The following NECTIN3 variants were observed in gnomAD, a reference collection of about 807,000 sequenced individuals.
The protein encoded by NECTIN3 is nectin-3.
Under a neutral mutation model 49.4 loss-of-function variants are expected in NECTIN3, and 8 were observed. The observed-to-expected ratio is 0.16, with a 90% confidence interval of 0.10 to 0.29. The LOEUF is 0.29. Among genes scored for constraint, NECTIN3 ranks in the 10% least tolerant of loss-of-function variants. NECTIN3 has a pLI of 1.00. For missense variants in NECTIN3, 581 were observed against 654.6 expected (o/e 0.89, Z 1.23); for synonymous variants, 277 against 241.1 (o/e 1.15, Z -1.38).
chr3:111,117,757 C>T (rs918623313), intron 2 of NECTIN3, among the ~76,000 whole-genome samples: 7 of 151,492 alleles, frequency 4.6e-5, no homozygotes, highest in Non-Finnish European at 7.4e-5. Context: ...AAAGACTGAA[C>T]ACAAAATTTA....
intron 7 of NECTIN3, among the ~76,000 whole-genome samples, chr3:111,179,206 GTCTA>G (rs755159871): frequency 2.6e-4 from 40 of 152,200 alleles, no homozygotes; most frequent in South Asian, 6.2e-4. Context: ...CTCTCCTCCA[GTCTA>G]TCTAAGTCCC....
intron 1 of NECTIN3, among the ~76,000 whole-genome samples, chr3:111,101,216 C>A (rs548815605): frequency 2.6e-5 from 4 of 152,126 alleles, no homozygotes; most frequent in East Asian, 1.9e-4. Flanking sequence ...CTAAAGAGAA[C>A]CCTTACTTAA....
chr3:111,174,389 T>G (rs571894618), intron 7 of NECTIN3, among the ~76,000 whole-genome samples: 25 of 152,260 alleles, frequency 1.6e-4, no homozygotes, highest in African/African-American at 5.5e-4. Flanking sequence ...GAACGTTCAA[T>G]TTTCCACTGC....
rs34682420 is a variant in NECTIN3 at position 111,105,982 on chromosome 3, C to CTT, written c.161-6031_161-6030dup. Reference sequence around the variant, plus strand: ...TAAATTCAGTGGTTACTTACCAGTGCTTTTTTTTTTTTTTTTTTCCCACTT... The same window carrying CTT: ...TAAATTCAGTGGTTACTTACCAGTGCTTTTTTTTTTTTTTTTTTTTCCCACTT... On this transcript the variant is annotated intron_variant, in intron 1 of 5. Transcript: ENST00000485303. Among the ~76,000 whole-genome samples the CTT allele has an allele frequency of 2.5e-3, 323 of 129,408 alleles. 3 individuals are homozygous for CTT. Among genetic ancestry groups the CTT allele is most frequent in the African/African-American group, 8.0e-3 (286 of 35,824 alleles). 84.9% of individuals were successfully genotyped at this position (129,408 alleles called of 152,430 possible).
intron 6 of NECTIN3, among the ~76,000 whole-genome samples, chr3:111,146,359 G>A (rs1046432774): frequency 6.6e-6 from 1 of 150,518 alleles, no homozygotes; most frequent in African/African-American, 2.4e-5. Context: ...GCGTGAACCC[G>A]GGAGGCGGAG....
intron 5 of NECTIN3, among the ~76,000 whole-genome samples, chr3:111,126,910 G>A (rs1307500183): frequency 6.6e-6 from 1 of 151,956 alleles, no homozygotes; most frequent in Non-Finnish European, 1.5e-5. Flanking sequence ...TTCACATTCT[G>A]TTTCACTTTG....
chr3:111,147,720 CAA>C (rs2034909199), intron 7 of NECTIN3, among the ~76,000 whole-genome samples: 1 of 152,092 alleles, frequency 6.6e-6, no homozygotes, highest in Non-Finnish European at 1.5e-5. Context: ...TGTCAACAAA[CAA>C]GAAGTTATGG....
upstream of NECTIN3, among the ~76,000 whole-genome samples, chr3:111,189,356 G>A (rs981047199): frequency 3.9e-5 from 6 of 152,080 alleles, no homozygotes; most frequent in African/African-American, 1.4e-4. Flanking sequence ...CTTGTCCTAA[G>A]AATCAACACA....
Position 111,135,963 on chromosome 3 carries a change from T to G in NECTIN3, c.*1748T>G. The G allele has an allele frequency of 1.1e-6, 1 of 942,490 alleles. No individual in the cohort carries two copies. Among genetic ancestry groups the G allele is most frequent in the Non-Finnish European group, 1.3e-6 (1 of 791,408 alleles). The allele number at this position is 942,490 out of a possible 1,614,324, so 58.4% of individuals were successfully genotyped here. A position where few individuals can be genotyped will look rare whatever the true frequency, so the allele number is the denominator to read the frequency against. The stretch of plus-strand genomic sequence containing the variant: ...TTATATCTTCTTACAAATGTCTGGG[T>G]TTTAATATGGTTAATCACTTATATA... On this transcript the variant is annotated 3_prime_UTR_variant, in exon 6 of 6. Transcript: ENST00000485303.
At chr3:111,162,604 A>G (rs532706114) in intron 7 of NECTIN3, among the ~76,000 whole-genome samples, 22 of 152,348 alleles carry the variant, frequency 1.4e-4, no homozygotes, top group African/African-American at 5.1e-4. Context: ...GGACTAATGC[A>G]ATCAAACTGC....
chr3:111,171,758 T>G (rs1403632631), intron 7 of NECTIN3, among the ~76,000 whole-genome samples: 1 of 151,786 alleles, frequency 6.6e-6, no homozygotes, highest in African/African-American at 2.4e-5. Context: ...TGTCATCTCC[T>G]GGTAAGTTAA....
intron 7 of NECTIN3, among the ~76,000 whole-genome samples, chr3:111,148,480 A>G (rs926532136): frequency 6.6e-6 from 1 of 152,136 alleles, no homozygotes; most frequent in Admixed American, 6.5e-5. Flanking sequence ...GTGTAGTCTC[A>G]TCTCTTGGCA....
At chr3:111,085,228 A>C (rs1283948687) in intron 1 of NECTIN3, among the ~76,000 whole-genome samples, 1 of 152,220 alleles carries the variant, frequency 6.6e-6, no homozygotes, top group African/African-American at 2.4e-5. Flanking sequence ...TCACATTCAC[A>C]GACACTAGAG....
chr3:111,094,106 T>C (rs1335679606), intron 1 of NECTIN3, among the ~76,000 whole-genome samples: 1 of 151,960 alleles, frequency 6.6e-6, no homozygotes, highest in Non-Finnish European at 1.5e-5. Context: ...TTTGTATCAC[T>C]TATAATTTTT....
At chr3:111,105,788 C>CGTCTACTGCCT (rs1379855883) in intron 1 of NECTIN3, among the ~76,000 whole-genome samples, 2 of 152,324 alleles carry the variant, frequency 1.3e-5, no homozygotes, top group South Asian at 2.1e-4. Flanking sequence ...TGCTTCACTT[C>CGTCTACTGCCT]GTCTACTGCC....
rs113974659 is a variant in NECTIN3 at position 111,131,766 on chromosome 3, T to C, written c.1070-1869T>C. 3.2e-3 allele frequency among the ~76,000 whole-genome samples: 489 copies of C among 151,958 alleles called. 4 individuals are homozygous for C. Among genetic ancestry groups the C allele is most frequent in the African/African-American group, 0.011 (461 of 41,538 alleles). Reference sequence around the variant, plus strand: ...CATTATTTAGGATACTTGGTAAAAATGTGTCTTATTTGGTGAGAGCTCAAA... The same window carrying C: ...CATTATTTAGGATACTTGGTAAAAACGTGTCTTATTTGGTGAGAGCTCAAA... On this transcript the variant is annotated intron_variant, in intron 5 of 5. Coordinates refer to ENST00000485303, the MANE Select transcript of NECTIN3 (RefSeq NM_015480.3).
chr3:111,188,839 T>C (rs911444646), upstream of NECTIN3, among the ~76,000 whole-genome samples: 2 of 152,192 alleles, frequency 1.3e-5, no homozygotes, highest in African/African-American at 4.8e-5. Context: ...TATTTTCCGG[T>C]CATGTTAAAT....
chr3:111,151,000 G>A (rs564894877), intron 7 of NECTIN3, among the ~76,000 whole-genome samples: 33 of 151,978 alleles, frequency 2.2e-4, no homozygotes, highest in African/African-American at 6.7e-4. Context: ...TAAAGGGGTC[G>A]TGGGGCCAAA....
At chr3:111,073,835 A>G (rs531537320) in intron 1 of NECTIN3, among the ~76,000 whole-genome samples, 1 of 152,324 alleles carries the variant, frequency 6.6e-6, no homozygotes, top group South Asian at 2.1e-4. Context: ...TTTACATGAT[A>G]ATTTCTTAGT....
Sources: gnomAD v4.1 joint callset for allele counts (sites outside exome capture counted in the v4.1 genomes callset) on GRCh38, gnomAD v4.1.1 for gene constraint, MANE v1.5 for transcripts, NCBI Gene and HGNC (gene_info 2026-07-23, HGNC 2026-07-21) for gene names.